Variants in INTS8 observed in about 807,000 individuals in gnomAD.
INTS8 encodes protein kaonashi-1.
Under a neutral mutation model 138.9 loss-of-function variants are expected in INTS8, and 47 were observed. That is an observed-to-expected ratio of 0.34 (90% CI 0.27 to 0.43). The LOEUF is 0.43. Ranked by LOEUF, INTS8 falls within the 20% of genes least tolerant of loss-of-function variation. The pLI, the probability that INTS8 is intolerant of heterozygous loss-of-function variation, is 1.00. For missense variants in INTS8, 996 were observed against 1,173.0 expected (o/e 0.85, Z 2.20); for synonymous variants, 392 against 400.9 (o/e 0.98, Z 0.27).
At chr8:94,849,415 A>AT (rs1815449681) in intron 10 of INTS8, 47 bp from the exon 11 acceptor site, 3 of 948,808 alleles carry the variant, frequency 3.2e-6, no homozygotes, top group Non-Finnish European at 4.9e-6. Flanking sequence ...TATAATTTAC[A>AT]TTTTTATAAG....
chr8:94,867,170 C>T lies in INTS8; in HGVS notation c.2326C>T (p.Leu776Phe), dbSNP rs748821390. 6.2e-7 allele frequency: 1 copy of T among 1,610,388 alleles called. No individual in the cohort carries two copies. Among genetic ancestry groups the T allele is most frequent in the Non-Finnish European group, 8.5e-7 (1 of 1,178,006 alleles). The part of the protein sequence containing the change: ...EPLVLTIILS[L>F]FVKLHNVRED... ...ACTCGTTTTGACTATTATTTTATCA[C>T]TCTTTGTGAAACTTCACAATGTTCG... The change falls in exon 19 of 27, where the codon CTC (leucine) becomes TTC (phenylalanine). Residue 776 changes from leucine (L) to phenylalanine (F), a missense_variant. Physicochemically the swap from Leu to Phe is conservative, Grantham distance 22. Transcript: ENST00000523731.
At chr8:94,870,086 A>G (rs560722875) in intron 20 of INTS8, among the ~76,000 whole-genome samples, 1 of 149,540 alleles carries the variant, frequency 6.7e-6, no homozygotes, top group Middle Eastern at 3.4e-3. Flanking sequence ...GAGTCTTGCT[A>G]TGTCACCCAG....
intron 16 of INTS8, 167 bp downstream of exon 16, chr8:94,859,799 A>G (rs1815886661): frequency 7.0e-6 from 4 of 571,608 alleles, no homozygotes; most frequent in Non-Finnish European, 1.2e-5. Flanking sequence ...CATGCACTTG[A>G]CCTTGTTCTA....
intron 2 of INTS8, among the ~76,000 whole-genome samples, chr8:94,826,124 A>G (rs547916198): frequency 1.2e-4 from 18 of 152,312 alleles, no homozygotes; most frequent in African/African-American, 3.8e-4. Context: ...TATTCTTAGG[A>G]TAGCTCCTTA....
intron 7 of INTS8, among the ~76,000 whole-genome samples, chr8:94,836,890 A>G (rs895554937): frequency 1.1e-4 from 16 of 152,068 alleles, no homozygotes; most frequent in African/African-American, 2.9e-4. Flanking sequence ...AATACTCTGT[A>G]TCTTGCTTAA....
At chr8:94,835,449 A>G (rs948923520) in intron 6 of INTS8, among the ~76,000 whole-genome samples, 1 of 152,140 alleles carries the variant, frequency 6.6e-6, no homozygotes, top group African/African-American at 2.4e-5. Context: ...ATACGACTGG[A>G]AAAGTTTTAT....
intron 10 of INTS8, among the ~76,000 whole-genome samples, chr8:94,845,863 G>T (rs1815315088): frequency 6.6e-6 from 1 of 152,182 alleles, no homozygotes; most frequent in African/African-American, 2.4e-5. Flanking sequence ...AGCCAGTTTA[G>T]AAAGAAATTA....
At position 94,873,386 on chromosome 8, in the gene INTS8, A is replaced by G. The variant is rs145046104; in HGVS notation, c.2546A>G (p.Tyr849Cys). Residue 849 changes from tyrosine to cysteine, a missense_variant, in exon 22 of 27, where the codon TAT becomes TGT. Tyr to Cys is a radical substitution (Grantham distance 194). Coordinates refer to ENST00000523731, the MANE Select transcript of INTS8 (RefSeq NM_017864.4). ...TTTTCTGTTTCAGCAACGAATCAGT[A>G]TTCAGCAGCTCTTCACTATTACCTC... Reference protein sequence around the residue: ...QADIYFATNQYSAALHYYLQA... With the variant: ...QADIYFATNQCSAALHYYLQA... 217 of 1,613,054 alleles carry G rather than the reference A, an allele frequency of 1.3e-4. 2 individuals carry two copies. The East Asian group carries it at 4.7e-3, about 35-fold the overall frequency.
At chr8:94,848,616 T>C (rs904697998) in intron 10 of INTS8, among the ~76,000 whole-genome samples, 1 of 152,230 alleles carries the variant, frequency 6.6e-6, no homozygotes, top group Non-Finnish European at 1.5e-5. Context: ...CTTAGCACGT[T>C]TTCAATATTG....
chr8:94,857,906 A>G (rs1204042175), intron 15 of INTS8, among the ~76,000 whole-genome samples: 1 of 152,252 alleles, frequency 6.6e-6, no homozygotes, highest in African/African-American at 2.4e-5. Context: ...TGCAATGTTC[A>G]GGTGTTTGAA....
intron 8 of INTS8, among the ~76,000 whole-genome samples, chr8:94,841,022 C>T (rs1186055339): frequency 1.3e-5 from 2 of 151,474 alleles, no homozygotes; most frequent in Non-Finnish European, 1.5e-5. Context: ...AAGCAGTTCT[C>T]CTTCCTCAGC....
chr8:94,838,661 A>G (rs1815023493), intron 8 of INTS8, 43 bp downstream of exon 8: 2 of 1,543,886 alleles, frequency 1.3e-6, no homozygotes, highest in South Asian at 2.3e-5. Context: ...TGGAAGCCAG[A>G]CAAAACTAAG....
intron 13 of INTS8, among the ~76,000 whole-genome samples, chr8:94,851,981 C>T (rs1815563115): frequency 6.6e-6 from 1 of 152,162 alleles, no homozygotes; most frequent in Admixed American, 6.5e-5. Flanking sequence ...CTCACTCTGT[C>T]GCTCAGGCTG....
rs543859638 is a variant in INTS8 at position 94,833,382 on chromosome 8, A to T, written c.753+1208A>T. On this transcript the variant is annotated intron_variant, in intron 6 of 26. Coordinates refer to ENST00000523731, the MANE Select transcript of INTS8 (RefSeq NM_017864.4). ...GTAACCCTTTTTGTAAAAAAAAAAA[A>T]TTTTAATTTTTTTTTTATAGAGACA... is the stretch of plus-strand genomic sequence containing the variant. Among the ~76,000 whole-genome samples, 43 of 151,880 alleles carry T rather than the reference A, an allele frequency of 2.8e-4. No homozygotes were observed. The East Asian group carries it at 5.6e-3, about 20-fold the overall frequency.
chr8:94,827,194 G>A, intron 2 of INTS8, 69 bp from the exon 3 acceptor site: 2 of 1,354,070 alleles, frequency 1.5e-6, no homozygotes, highest in Non-Finnish European at 1.1e-6. Flanking sequence ...GCGAGGATAT[G>A]GAATTTTGTA....
chr8:94,853,633 G>A (rs778522094), intron 13 of INTS8, among the ~76,000 whole-genome samples, 172 bp from the exon 14 acceptor site: 4 of 152,032 alleles, frequency 2.6e-5, no homozygotes, highest in Admixed American at 6.6e-5. Flanking sequence ...TGATTGTAGC[G>A]AATGTGTTCA....
chr8:94,878,408 TG>T (rs1389042208), intron 26 of INTS8, among the ~76,000 whole-genome samples: 1 of 152,214 alleles, frequency 6.6e-6, no homozygotes, highest in Non-Finnish European at 1.5e-5. Context: ...TTAAGAGTCT[TG>T]GGAATGGTGA....
chr8:94,826,962 G>A (rs1053675824), intron 2 of INTS8, among the ~76,000 whole-genome samples: 4 of 151,992 alleles, frequency 2.6e-5, no homozygotes, highest in African/African-American at 7.2e-5. Flanking sequence ...AAAATTAGCT[G>A]GGCATGGTGG....
At chr8:94,824,775 A>C (rs1003445977) in intron 1 of INTS8, 118 bp from the exon 2 acceptor site, 25 of 229,534 alleles carry the variant, frequency 1.1e-4, no homozygotes, top group South Asian at 2.2e-4. Context: ...GCAAAAAAAA[A>C]ACCCAAACTC....
Sources: gnomAD v4.1 joint callset for allele counts (sites outside exome capture counted in the v4.1 genomes callset) on GRCh38, gnomAD v4.1.1 for gene constraint, MANE v1.5 for transcripts, NCBI Gene and HGNC (gene_info 2026-07-23, HGNC 2026-07-21) for gene names.